The following ACOX1 variants were observed in gnomAD, a reference collection of about 807,000 sequenced individuals.
ACOX1 encodes the protein acyl-CoA oxidase 1, also known as peroxisomal acyl-coenzyme A oxidase 1.
A neutral mutation model predicts 75.5 loss-of-function variants in ACOX1; 41 were observed. That is an observed-to-expected ratio of 0.54 (90% CI 0.42 to 0.70). The LOEUF (loss-of-function observed/expected upper bound fraction) is 0.70. ACOX1 is among the 30% of genes least tolerant of loss of function. ACOX1 has a pLI of 0.00. For missense variants in ACOX1, 630 were observed against 837.5 expected (o/e 0.75, Z 3.06); for synonymous variants, 303 against 298.8 (o/e 1.01, Z -0.15).
chr17:75,965,336 T>G (rs932125348), intron 2 of ACOX1, among the ~76,000 whole-genome samples: 3 of 50,190 alleles, frequency 6.0e-5, no homozygotes, highest in Non-Finnish European at 9.8e-5. Flanking sequence ...AGACTCTGTC[T>G]CAAAAAAAAA....
rs534065883 is a variant in ACOX1, at chr17:75,960,174, G to A, written c.430+41C>T. ...GCACTCCACACATGGTAAGCTCACA[G>A]GGGCCCGCCCAACCCAGAAGGTAGA... On this transcript the variant is annotated intron_variant, in intron 3 of 13. Coordinates refer to ENST00000293217, the MANE Select transcript of ACOX1 (RefSeq NM_004035.7). The surrounding 1 kb of genome is among the most constrained non-coding windows in gnomAD (Gnocchi z 4.4). 5.1e-5 allele frequency: 82 copies of A among 1,612,878 alleles called. 3 individuals are homozygous for A. In the South Asian group the frequency reaches 8.7e-4, roughly 17 times the overall value.
chr17:75,954,204 A>G (rs1344493002), intron 6 of ACOX1, among the ~76,000 whole-genome samples: 1 of 130,446 alleles, frequency 7.7e-6, no homozygotes, highest in Non-Finnish European at 1.6e-5. Flanking sequence ...TGACAGAGCA[A>G]GACTCTGTCT....
chr17:75,955,107 A>T (rs754674205), intron 6 of ACOX1, among the ~76,000 whole-genome samples: 1 of 148,648 alleles, frequency 6.7e-6, no homozygotes. Context: ...TGACCTCATG[A>T]TCTTCCCGCC....
In ACOX1 at chr17:75,967,717, T is replaced by TAC. The variant is rs754361246; in HGVS notation, c.270-7344_270-7343dup. On this transcript the variant is annotated intron_variant, in intron 2 of 13. Transcript: ENST00000293217. Reference sequence around the variant, plus strand: ...ACATACATATATATACATATATATATACACATATATATATATACACGTATA... The same window carrying TAC: ...ACATACATATATATACATATATATATACACACATATATATATATACACGTATA... 3.7e-5 allele frequency among the ~76,000 whole-genome samples: 5 copies of TAC among 133,726 alleles called. 2 individuals are homozygous for TAC. Among genetic ancestry groups the TAC allele is most frequent in the Non-Finnish European group, 6.4e-5 (4 of 62,876 alleles). The allele number at this position is 133,726 out of a possible 152,430, so 87.7% of individuals were successfully genotyped here. A position where few individuals can be genotyped will look rare whatever the true frequency, so the allele number is the denominator to read the frequency against.
At position 75,978,747 on chromosome 17, in the gene ACOX1, C is replaced by T; in HGVS notation, c.110-54G>A. On this transcript the variant is annotated intron_variant, in intron 1 of 13. Transcript: ENST00000293217. The surrounding 1 kb of genome is among the most constrained non-coding windows in gnomAD (Gnocchi z 4.2). ...GCAGACAGACACTCGGGCCTCCGTT[C>T]CACCCTCCCTGAATCACAATAGGCT... 6.2e-7 allele frequency: 1 copy of T among 1,612,134 alleles called. No homozygotes were observed. The highest frequency in any genetic ancestry group is 8.5e-7 in the Non-Finnish European group (1 of 1,179,982).
chr17:75,949,660 C>CCA, intron 10 of ACOX1, 58 bp downstream of exon 10: 1 of 1,613,290 alleles, frequency 6.2e-7, no homozygotes, highest in Non-Finnish European at 8.5e-7. Flanking sequence ...GCCTTCTTGC[C>CCA]ATCTGTCAGG....
At chr17:75,958,043 A>C (rs2065849006) in intron 3 of ACOX1, among the ~76,000 whole-genome samples, 1 of 152,194 alleles carries the variant, frequency 6.6e-6, no homozygotes, top group Non-Finnish European at 1.5e-5. Flanking sequence ...AAGACATTTC[A>C]GCCAAAATTC....
At chr17:75,964,982 A>G (rs1198740045) in intron 2 of ACOX1, among the ~76,000 whole-genome samples, 1 of 152,160 alleles carries the variant, frequency 6.6e-6, no homozygotes, top group Non-Finnish European at 1.5e-5. Context: ...TAGGAAATCA[A>G]TAATGTCAAC....
Position 75,949,223 on chromosome 17 carries a change from G to A in ACOX1, c.1722C>T (p.Phe574=). 1 of 1,614,138 alleles carries A rather than the reference G, an allele frequency of 6.2e-7. No individual in the cohort carries two copies. Among genetic ancestry groups the A allele is most frequent in the East Asian group, 2.2e-5 (1 of 44,888 alleles). ...ATACTTAGAAAATACTGACCTGAAG[G>A]AAATCCCCCGCGTTCTGACTGATTC... ...LYGISQNAGD[F]LQGSIMTEPQ... Residue 574 remains phenylalanine, a synonymous_variant, in exon 12 of 14, where the codon TTC becomes TTT. Coordinates refer to ENST00000293217, the MANE Select transcript of ACOX1 (RefSeq NM_004035.7).
rs2065794193 is a variant in ACOX1 at position 75,953,552 on chromosome 17, G to C, written c.843C>G (p.Val281=). ...NKLTYGTMVF[V]RSFLVGEAAR... ...CAGCTTCTCCCACAAGGAAGGACCT[G>C]ACAAACACCATGGTCCCGTAAGTCA... Residue 281 remains valine (V), a synonymous_variant, in exon 7 of 14, where the codon GTC becomes GTG. Coordinates refer to ENST00000293217, the MANE Select transcript of ACOX1 (RefSeq NM_004035.7). The C allele has an allele frequency of 1.2e-6, 2 of 1,614,182 alleles. No homozygotes were observed. Among genetic ancestry groups the C allele is most frequent in the East Asian group, 4.5e-5 (2 of 44,888 alleles).
chr17:75,970,104 C>G (rs999864591), intron 2 of ACOX1, among the ~76,000 whole-genome samples: 7 of 145,494 alleles, frequency 4.8e-5, no homozygotes, highest in African/African-American at 1.3e-4. Context: ...AGAATCACTT[C>G]AACCAGGGGG....
chr17:75,976,658 A>G (rs1392563222), intron 2 of ACOX1, among the ~76,000 whole-genome samples: 1 of 152,160 alleles, frequency 6.6e-6, no homozygotes, highest in Non-Finnish European at 1.5e-5. Context: ...AACTGAGTGG[A>G]GCTCTGAGGA....
intron 2 of ACOX1, among the ~76,000 whole-genome samples, chr17:75,972,199 G>A (rs1383526385): frequency 6.6e-6 from 1 of 151,772 alleles, no homozygotes; most frequent in Non-Finnish European, 1.5e-5. Flanking sequence ...GTGGTGGCGG[G>A]CACCTGTAGT....
At chr17:75,961,069 G>A (rs2065882903) in intron 2 of ACOX1, among the ~76,000 whole-genome samples, 1 of 151,908 alleles carries the variant, frequency 6.6e-6, no homozygotes, top group South Asian at 2.1e-4. Context: ...GAGGTGGGTG[G>A]ATCACCTGAG....
chr17:75,977,322 A>G (rs761886857), intron 2 of ACOX1, among the ~76,000 whole-genome samples: 1 of 151,162 alleles, frequency 6.6e-6, no homozygotes, highest in African/African-American at 2.4e-5. Context: ...ATTTATTTTT[A>G]CCGTTCCTTG....
intron 3 of ACOX1, among the ~76,000 whole-genome samples, chr17:75,959,787 A>G (rs959545233): frequency 1.3e-5 from 2 of 152,210 alleles, no homozygotes; most frequent in African/African-American, 4.8e-5. Flanking sequence ...ATTTCCCTCA[A>G]GCAAATCCAA....
chr17:75,966,563 G>A (rs572949740), intron 2 of ACOX1, among the ~76,000 whole-genome samples: 1 of 152,080 alleles, frequency 6.6e-6, no homozygotes, highest in African/African-American at 2.4e-5. Context: ...CAGCATTCTG[G>A]GAGGCCGAGG....
chr17:75,949,931 T>A, intron 9 of ACOX1, 34 bp from the exon 10 acceptor site: 2 of 1,611,540 alleles, frequency 1.2e-6, no homozygotes, highest in South Asian at 2.2e-5. Flanking sequence ...TTTTAGTAAC[T>A]CTACTTTCTT....
intron 4 of ACOX1, among the ~76,000 whole-genome samples, chr17:75,956,963 CTCTCTCTCTA>C (rs2065835463): frequency 5.2e-5 from 1 of 19,106 alleles, no homozygotes; most frequent in Non-Finnish European, 7.7e-5. Flanking sequence ...CTCTCTCTCT[CTCTCTCTCTA>C]TATATATATA....
Sources: allele counts gnomAD v4.1 joint callset (sites outside exome capture counted in the v4.1 genomes callset), GRCh38; gene constraint gnomAD v4.1.1; non-coding constraint Gnocchi (gnomAD v3.1); transcripts MANE v1.5; gene names NCBI Gene and HGNC (gene_info 2026-07-23, HGNC 2026-07-21).